Variants in FANCB observed in about 807,000 individuals in gnomAD.
FANCB encodes Fanconi anemia group B protein.
In FANCB, 5 loss-of-function variants were observed where a neutral mutation model predicts 38.9. That is an observed-to-expected ratio of 0.13 (90% CI 0.07 to 0.27). The LOEUF is 0.27. FANCB is among the 10% of genes least tolerant of loss of function. FANCB has a pLI of 1.00. For synonymous variants in FANCB, 236 were observed against 215.4 expected (o/e 1.10, Z -0.84); for missense variants, 573 against 602.7 (o/e 0.95, Z 0.52).
Position 14,844,889 on chromosome X carries a change from A to C in FANCB, c.1894T>G (p.Tyr632Asp), listed in dbSNP as rs149387792. ...TTCTTCTTTGGAAATGTCAGTAGGT[A>C]CTTCCCAGTTGAAAGATCTTCTAGA... ...LSLEDLSTGK[Y>D]LLTFPKKKPI... Residue 632 changes from tyrosine (Y) to aspartate (D), a missense_variant, in exon 8 of 10, where the codon TAC (tyrosine) becomes GAC (aspartate). Coordinates refer to ENST00000650831, the MANE Select transcript of FANCB (RefSeq NM_001018113.3). 7.2e-5 allele frequency: 87 copies of C among 1,202,696 alleles called. No individual in the cohort carries two copies. Among genetic ancestry groups the C allele is most frequent in the Non-Finnish European group, 9.3e-5 (83 of 892,538 alleles).
At chrX:14,772,196 A>T in the FANCB span, among the ~76,000 whole-genome samples, 1 of 110,865 alleles carries the variant, frequency 9.0e-6, no homozygotes, top group Non-Finnish European at 1.9e-5. Flanking sequence ...CAAAGCTAGC[A>T]GACTGAAACA....
chrX:14,785,173 A>G, the FANCB span, among the ~76,000 whole-genome samples: 1 of 112,284 alleles, frequency 8.9e-6, no homozygotes, highest in Non-Finnish European at 1.9e-5. Context: ...AGAACTTAGA[A>G]TAAGAATAAA....
At chrX:14,786,946 A>G in the FANCB span, among the ~76,000 whole-genome samples, 1 of 111,933 alleles carries the variant, frequency 8.9e-6, no homozygotes, top group African/African-American at 3.3e-5. Context: ...GAAATGTCAG[A>G]ATGCAAAAAC....
At chrX:14,733,280 G>A in the FANCB span, among the ~76,000 whole-genome samples, 4 of 111,739 alleles carry the variant, frequency 3.6e-5, no homozygotes, top group African/African-American at 1.3e-4. Context: ...TAGCCTTGTA[G>A]TATAGTTTGA....
the FANCB span, among the ~76,000 whole-genome samples, chrX:14,829,694 C>T: frequency 9.0e-6 from 1 of 111,600 alleles, no homozygotes; most frequent in Admixed American, 9.6e-5. Context: ...CTTCCAATTC[C>T]CTCACCTCTC....
At chrX:14,725,492 A>G in the FANCB span, among the ~76,000 whole-genome samples, 1 of 111,894 alleles carries the variant, frequency 8.9e-6, no homozygotes, top group African/African-American at 3.2e-5. Flanking sequence ...CCCAACAGAA[A>G]GGAGGCTCAG....
the FANCB span, among the ~76,000 whole-genome samples, chrX:14,818,314 T>C: frequency 3.3e-3 from 348 of 105,087 alleles, 2 homozygotes; most frequent in Middle Eastern, 0.024. Flanking sequence ...GTGGGGCAGA[T>C]CTCTTGGGCT....
chrX:14,741,021 T>C, the FANCB span, among the ~76,000 whole-genome samples: 1 of 110,560 alleles, frequency 9.0e-6, no homozygotes, highest in Non-Finnish European at 1.9e-5. Context: ...AAGTGAGAAA[T>C]TGGAACCTGG....
chrX:14,858,220 C>G (rs1006895208), intron 4 of FANCB, among the ~76,000 whole-genome samples: 3 of 110,413 alleles, frequency 2.7e-5, no homozygotes. Flanking sequence ...ATGGTGAAAC[C>G]CTGTCTCTAC....
chrX:14,706,411 G>A, the FANCB span, among the ~76,000 whole-genome samples: 1 of 112,285 alleles, frequency 8.9e-6, no homozygotes, highest in African/African-American at 3.2e-5. Flanking sequence ...TTACTATTAA[G>A]ACATGGTAAA....
the FANCB span, among the ~76,000 whole-genome samples, chrX:14,814,400 G>T: frequency 8.9e-6 from 1 of 112,009 alleles, no homozygotes; most frequent in Non-Finnish European, 1.9e-5. Context: ...CCTACAGAAT[G>T]GGAGAAAATT....
chrX:14,694,656 T>C, the FANCB span, among the ~76,000 whole-genome samples: 20 of 111,840 alleles, frequency 1.8e-4, no homozygotes, highest in African/African-American at 6.2e-4. Flanking sequence ...AGGAAAGTGG[T>C]TAGGTTCAGG....
the FANCB span, among the ~76,000 whole-genome samples, chrX:14,804,856 C>T: frequency 2.7e-5 from 3 of 111,894 alleles, no homozygotes; most frequent in Admixed American, 1.9e-4. Context: ...ACCTAACCTG[C>T]CTCTGCCAAT....
At chrX:14,706,316 G>A in the FANCB span, among the ~76,000 whole-genome samples, 1 of 112,001 alleles carries the variant, frequency 8.9e-6, no homozygotes, top group Non-Finnish European at 1.9e-5. Context: ...AGCTTGAGAA[G>A]TGCTGCTCTA....
chrX:14,852,568 T>A (rs1419426356), intron 6 of FANCB, among the ~76,000 whole-genome samples: 1 of 111,458 alleles, frequency 9.0e-6, no homozygotes, highest in Non-Finnish European at 1.9e-5. Context: ...TAGGAACATT[T>A]GCTAGAGGAA....
the FANCB span, chrX:14,730,760 C>T: frequency 9.2e-5 from 28 of 303,971 alleles, no homozygotes; most frequent in Middle Eastern, 9.6e-4. Flanking sequence ...ACATGATATG[C>T]GCAACATTCA....
At chrX:14,846,026 A>ATT (rs2092375533) in intron 7 of FANCB, among the ~76,000 whole-genome samples, 1 of 111,972 alleles carries the variant, frequency 8.9e-6, no homozygotes, top group South Asian at 3.7e-4. Context: ...TACACTAAAG[A>ATT]TTTAAAAAGA....
the FANCB span, among the ~76,000 whole-genome samples, chrX:14,708,958 G>C: frequency 1.9e-5 from 2 of 106,334 alleles, no homozygotes; most frequent in Admixed American, 1.9e-4. Flanking sequence ...AAAAAAAAAA[G>C]AGAGAGAGAC....
intron 6 of FANCB, among the ~76,000 whole-genome samples, chrX:14,851,934 T>G (rs2092403417): frequency 8.9e-6 from 1 of 111,776 alleles, no homozygotes; most frequent in Non-Finnish European, 1.9e-5. Context: ...GCATAGCCCA[T>G]GACAAGAATG....
Sources: allele counts gnomAD v4.1 joint callset (sites outside exome capture counted in the v4.1 genomes callset), GRCh38; gene constraint gnomAD v4.1.1; transcripts MANE v1.5; gene names NCBI Gene and HGNC (gene_info 2026-07-23, HGNC 2026-07-21).